Variants in PDGFD observed in about 807,000 individuals in gnomAD.
PDGFD encodes the protein platelet-derived growth factor D.
PDGFD carries 30 observed loss-of-function variants against 44.7 expected under a neutral mutation model. The observed-to-expected ratio is 0.67, with a 90% confidence interval of 0.50 to 0.91. The LOEUF is 0.91. PDGFD is among the 40% of genes least tolerant of loss of function. The probability of loss-of-function intolerance (pLI) is 0.00; values close to 1 mark genes in which losing one functional copy is unlikely to be tolerated. For synonymous variants in PDGFD, 173 were observed against 168.4 expected (o/e 1.03, Z -0.21); for missense variants, 445 against 457.8 (o/e 0.97, Z 0.25).
intron 6 of PDGFD, among the ~76,000 whole-genome samples, chr11:103,921,426 A>G (rs1858217498): frequency 6.6e-6 from 1 of 152,148 alleles, no homozygotes; most frequent in African/African-American, 2.4e-5. Flanking sequence ...AAAACAAAGT[A>G]CTATTCTTTT....
At chr11:104,014,796 A>G (rs1859836730) in intron 1 of PDGFD, among the ~76,000 whole-genome samples, 1 of 152,200 alleles carries the variant, frequency 6.6e-6, no homozygotes, top group South Asian at 2.1e-4. Context: ...CTTCCCTGGG[A>G]GCCCATATAT....
At chr11:104,097,709 A>G (rs898670594) in intron 1 of PDGFD, among the ~76,000 whole-genome samples, 1 of 152,186 alleles carries the variant, frequency 6.6e-6, no homozygotes, top group African/African-American at 2.4e-5. Context: ...CCCCGCACCA[A>G]CTCTATGAAG....
intron 1 of PDGFD, among the ~76,000 whole-genome samples, chr11:104,081,932 A>G (rs1861049725): frequency 6.6e-6 from 1 of 151,996 alleles, no homozygotes. Context: ...ATTTTTAATC[A>G]TCCCATAGAA....
At chr11:104,086,093 G>A (rs563425171) in intron 1 of PDGFD, among the ~76,000 whole-genome samples, 1 of 152,258 alleles carries the variant, frequency 6.6e-6, no homozygotes, top group African/African-American at 2.4e-5. Context: ...GAATATCTAA[G>A]GTGGCTAGTG....
At chr11:104,106,746 CTT>C (rs113183308) in intron 1 of PDGFD, among the ~76,000 whole-genome samples, 1,695 of 140,002 alleles carry the variant, frequency 0.012, 25 homozygotes, top group African/African-American at 0.042. Flanking sequence ...TGTATGATGC[CTT>C]TTTTTTTTTT....
intron 1 of PDGFD, among the ~76,000 whole-genome samples, chr11:104,049,319 C>T (rs569167441): frequency 3.2e-4 from 49 of 152,144 alleles, no homozygotes; most frequent in African/African-American, 1.0e-3. Context: ...GGGTAAAGCA[C>T]ATTTCAGGAA....
rs767074927 is a variant in PDGFD, at chr11:104,000,229, G to C, written c.151C>G (p.Arg51Gly). 1.2e-6 allele frequency: 2 copies of C among 1,613,876 alleles called. No homozygotes were observed. Among genetic ancestry groups the C allele is most frequent in the Non-Finnish European group, 1.7e-6 (2 of 1,179,932 alleles). Reference sequence around the variant, plus strand: ...TTCACCTGGATGGTCTCATCTCTTCGGTACAAGTCTGTGAGGTGATTGCTC... The same window carrying C: ...TTCACCTGGATGGTCTCATCTCTTCCGTACAAGTCTGTGAGGTGATTGCTC... Reference protein sequence around the residue: ...DESNHLTDLYRRDETIQVKGN... With the variant: ...DESNHLTDLYGRDETIQVKGN... Residue 51 changes from arginine (R) to glycine (G), a missense_variant, in exon 2 of 7, where the codon CGA (arginine) becomes GGA (glycine). Transcript: ENST00000393158.
At chr11:104,136,098 G>C (rs1437965004) in intron 1 of PDGFD, among the ~76,000 whole-genome samples, 2 of 152,072 alleles carry the variant, frequency 1.3e-5, no homozygotes, top group Non-Finnish European at 2.9e-5. Context: ...TCCACACAGG[G>C]GCAACTCTGT....
At chr11:104,137,246 T>C (rs1862020560) in intron 1 of PDGFD, among the ~76,000 whole-genome samples, 1 of 152,164 alleles carries the variant, frequency 6.6e-6, no homozygotes, top group Non-Finnish European at 1.5e-5. Context: ...AATACAGAGC[T>C]GTATCCTAAA....
chr11:104,036,534 C>CGT, intron 1 of PDGFD: 1 of 453,096 alleles, frequency 2.2e-6, no homozygotes, highest in South Asian at 3.4e-5. Context: ...TTTGAGCCAT[C>CGT]GTGTATCCAT....
intron 3 of PDGFD, among the ~76,000 whole-genome samples, chr11:103,955,158 C>T (rs1220701587): frequency 2.5e-5 from 2 of 80,170 alleles, no homozygotes; most frequent in South Asian, 6.2e-4. Flanking sequence ...AGCGAGACTC[C>T]GTCTCAAAAA....
At chr11:104,081,013 A>G (rs1447959465) in intron 1 of PDGFD, among the ~76,000 whole-genome samples, 6 of 152,212 alleles carry the variant, frequency 3.9e-5, no homozygotes, top group African/African-American at 1.4e-4. Context: ...GCTCTAGCTG[A>G]CATCTTAACT....
At chr11:104,011,491 G>A (rs1051617332) in intron 1 of PDGFD, among the ~76,000 whole-genome samples, 3 of 151,770 alleles carry the variant, frequency 2.0e-5, no homozygotes, top group South Asian at 2.1e-4. Context: ...TAATTTCTTC[G>A]CATGTTAACA....
intron 1 of PDGFD, among the ~76,000 whole-genome samples, chr11:104,125,386 A>C (rs1861826858): frequency 6.6e-6 from 1 of 152,130 alleles, no homozygotes; most frequent in Non-Finnish European, 1.5e-5. Flanking sequence ...AGGGCTTCAA[A>C]TAATTAAAAA....
In PDGFD at chr11:104,059,803, T is replaced by A. The variant is rs1023703263; in HGVS notation, c.125-59548A>T. 2.0e-5 allele frequency among the ~76,000 whole-genome samples: 3 copies of A among 152,242 alleles called. No individual in the cohort carries two copies. In the East Asian group the frequency reaches 5.8e-4, roughly 29 times the overall value. On this transcript the variant is annotated intron_variant, in intron 1 of 6. Transcript: ENST00000393158. ...AGATAGTACCCCTCTGACATTTATT[T>A]GTCTCTTCTACTAAAATGAGAACAG... is the stretch of plus-strand genomic sequence containing the variant.
chr11:103,909,459 T>A lies in PDGFD; in HGVS notation c.*235A>T, dbSNP rs193278092. ...ATTTCTGTGTGTGTTTGTGCATATA[T>A]AACCTCAAACACTATTATTAAATGC... On this transcript the variant is annotated 3_prime_UTR_variant, in exon 7 of 7. Coordinates refer to ENST00000393158, the MANE Select transcript of PDGFD (RefSeq NM_025208.5). 1.6e-3 allele frequency: 785 copies of A among 481,490 alleles called. 4 individuals are homozygous for A. Among genetic ancestry groups the A allele is most frequent in the South Asian group, 5.9e-3 (212 of 35,834 alleles). 29.8% of individuals were successfully genotyped at this position (481,490 alleles called of 1,614,324 possible).
intron 1 of PDGFD, among the ~76,000 whole-genome samples, chr11:104,017,227 A>G (rs1859871461): frequency 6.6e-6 from 1 of 152,184 alleles, no homozygotes; most frequent in South Asian, 2.1e-4. Context: ...GCCTGTAGAA[A>G]TGTGAGAAAT....
At chr11:103,951,789 T>C (rs1858761920) in intron 3 of PDGFD, among the ~76,000 whole-genome samples, 1 of 152,208 alleles carries the variant, frequency 6.6e-6, no homozygotes, top group Non-Finnish European at 1.5e-5. Context: ...ATACTCCCAC[T>C]CTTGGTCACT....
chr11:104,125,119 T>A (rs528981037), intron 1 of PDGFD, among the ~76,000 whole-genome samples: 27 of 152,266 alleles, frequency 1.8e-4, no homozygotes. Flanking sequence ...CATTAAGTCA[T>A]AATGGAAGAG....
Sources: gnomAD v4.1 joint callset for allele counts (sites outside exome capture counted in the v4.1 genomes callset) on GRCh38, gnomAD v4.1.1 for gene constraint, MANE v1.5 for transcripts, NCBI Gene and HGNC (gene_info 2026-07-23, HGNC 2026-07-21) for gene names.